The following ARHGAP15 variants were observed in gnomAD, a reference collection of about 807,000 sequenced individuals.
ARHGAP15 encodes the protein Rho GTPase activating protein 15.
A neutral mutation model predicts 63.7 loss-of-function variants in ARHGAP15; 51 were observed. The ratio of observed to expected loss-of-function variants is 0.80; its 90% CI spans 0.64 to 1.01. The LOEUF is 1.01. Among genes scored for constraint, ARHGAP15 ranks in the 50% least tolerant of loss-of-function variants. ARHGAP15 has a pLI of 0.00. For synonymous variants in ARHGAP15, 191 were observed against 193.8 expected (o/e 0.99, Z 0.12); for missense variants, 560 against 564.6 (o/e 0.99, Z 0.08).
At chr2:143,345,969 T>C (rs2105298270) in intron 6 of ARHGAP15, among the ~76,000 whole-genome samples, 1 of 152,188 alleles carries the variant, frequency 6.6e-6, no homozygotes, top group African/African-American at 2.4e-5. Context: ...AGTTTTATTC[T>C]CAAACTGTTG....
intron 13 of ARHGAP15, among the ~76,000 whole-genome samples, chr2:143,725,409 C>A (rs1342855612): frequency 6.6e-6 from 1 of 152,230 alleles, no homozygotes; most frequent in Non-Finnish European, 1.5e-5. Flanking sequence ...CAACACCAAT[C>A]TGGAGAAAAC....
At chr2:143,329,194 C>T (rs564655328) in intron 6 of ARHGAP15, among the ~76,000 whole-genome samples, 13 of 152,144 alleles carry the variant, frequency 8.5e-5, no homozygotes, top group Admixed American at 2.0e-4. Context: ...TTACATTATA[C>T]GGCAAAGATG....
chr2:143,585,656 T>C (rs1438665880), intron 11 of ARHGAP15, among the ~76,000 whole-genome samples: 1 of 152,222 alleles, frequency 6.6e-6, no homozygotes, highest in Non-Finnish European at 1.5e-5. Context: ...TATTAGCTTC[T>C]GAAAGAAGTG....
intron 5 of ARHGAP15, among the ~76,000 whole-genome samples, chr2:143,241,001 C>A (rs1346603906): frequency 6.6e-6 from 1 of 152,080 alleles, no homozygotes; most frequent in African/African-American, 2.4e-5. Flanking sequence ...TCACCTTAGG[C>A]TCTCTCAGAA....
chr2:143,413,793 C>A (rs1277821256), intron 6 of ARHGAP15, among the ~76,000 whole-genome samples: 1 of 152,088 alleles, frequency 6.6e-6, no homozygotes, highest in Non-Finnish European at 1.5e-5. Context: ...CTTTTCAATG[C>A]AGAATGCCTC....
intron 5 of ARHGAP15, among the ~76,000 whole-genome samples, chr2:143,230,530 C>A (rs78199626): frequency 6.6e-6 from 1 of 152,246 alleles, no homozygotes; most frequent in African/African-American, 2.4e-5. Context: ...TTACTTCTGG[C>A]CCCATTTTTA....
intron 8 of ARHGAP15, among the ~76,000 whole-genome samples, chr2:143,443,237 A>G (rs1199709829): frequency 6.6e-6 from 1 of 152,208 alleles, no homozygotes; most frequent in Non-Finnish European, 1.5e-5. Context: ...GAAAATAATA[A>G]GATGAACAAA....
chr2:143,338,976 C>T (rs185519001), intron 6 of ARHGAP15, among the ~76,000 whole-genome samples: 1 of 152,114 alleles, frequency 6.6e-6, no homozygotes, highest in Admixed American at 6.5e-5. Context: ...TAATAGAAAA[C>T]CAAGAAAGAA....
chr2:143,331,948 ACATT>A (rs1684568216), intron 6 of ARHGAP15, among the ~76,000 whole-genome samples: 1 of 152,194 alleles, frequency 6.6e-6, no homozygotes, highest in African/African-American at 2.4e-5. Flanking sequence ...TACAAAGCAT[ACATT>A]TCTAGAGTTC....
At chr2:143,758,412 ACTTTT>A (rs904295074) in intron 13 of ARHGAP15, among the ~76,000 whole-genome samples, 102 of 152,038 alleles carry the variant, frequency 6.7e-4, no homozygotes, top group African/African-American at 2.1e-3. Context: ...TTTACTTTTT[ACTTTT>A]CAATAGTTCT....
intron 12 of ARHGAP15, chr2:143,641,189 G>A (rs932188595): frequency 1.2e-4 from 19 of 152,026 alleles, no homozygotes; most frequent in African/African-American, 3.9e-4. Context: ...TTCCCAATGC[G>A]AAGCAGCACT....
At chr2:143,386,261 G>A (rs190777111) in intron 6 of ARHGAP15, among the ~76,000 whole-genome samples, 3 of 151,666 alleles carry the variant, frequency 2.0e-5, no homozygotes, top group Non-Finnish European at 4.4e-5. Flanking sequence ...TTTTTCCAAG[G>A]AAAAAAATGT....
chr2:143,407,987 GTA>G (rs58194704), intron 6 of ARHGAP15, among the ~76,000 whole-genome samples: 3,856 of 75,858 alleles, frequency 0.051, 207 homozygotes, highest in Non-Finnish European at 0.069. Context: ...TTCTGTGTGT[GTA>G]TATATATATA....
At chr2:143,402,763 A>G (rs1032029143) in intron 6 of ARHGAP15, among the ~76,000 whole-genome samples, 1 of 151,796 alleles carries the variant, frequency 6.6e-6, no homozygotes, top group Non-Finnish European at 1.5e-5. Flanking sequence ...TGAAGGAAAA[A>G]CCCCAGAAAC....
At chr2:143,579,002 G>T (rs920528698) in intron 11 of ARHGAP15, among the ~76,000 whole-genome samples, 1 of 152,054 alleles carries the variant, frequency 6.6e-6, no homozygotes, top group Non-Finnish European at 1.5e-5. Flanking sequence ...TACATTGATA[G>T]TAAATCTCTT....
At chr2:143,340,694 A>G (rs181407765) in intron 6 of ARHGAP15, among the ~76,000 whole-genome samples, 118 of 152,208 alleles carry the variant, frequency 7.8e-4, no homozygotes, top group Admixed American at 2.0e-3. Context: ...GATTCTCATA[A>G]CAAAGGCCAC....
At chr2:143,559,766 T>C (rs1695949691) in intron 11 of ARHGAP15, among the ~76,000 whole-genome samples, 3 of 152,222 alleles carry the variant, frequency 2.0e-5, no homozygotes, top group Non-Finnish European at 2.9e-5. Context: ...TGGCCCTCTC[T>C]CTGTGTGTCT....
At chr2:143,204,356 G>T (rs530484718) in intron 3 of ARHGAP15, among the ~76,000 whole-genome samples, 1 of 152,130 alleles carries the variant, frequency 6.6e-6, no homozygotes, top group African/African-American at 2.4e-5. Context: ...TTTCTCATAG[G>T]TCTAGAGGCT....
Position 143,626,387 on chromosome 2 carries a change from G to A in ARHGAP15, c.1138+2120G>A, listed in dbSNP as rs12105590. Among the ~76,000 whole-genome samples, 10 of 152,102 alleles carry A rather than the reference G, an allele frequency of 6.6e-5. No homozygotes were observed. The South Asian group carries it at 8.3e-4, about 13-fold the overall frequency. Reference sequence around the variant, plus strand: ...AAACTCAGGGTTATTGTGTCAGGACGTGGTTCCTGCCGGTGGGTTCGTGGT... The same window carrying A: ...AAACTCAGGGTTATTGTGTCAGGACATGGTTCCTGCCGGTGGGTTCGTGGT... On this transcript the variant is annotated intron_variant, in intron 12 of 13. Transcript: ENST00000295095.
Sources: gnomAD v4.1 joint callset for allele counts (sites outside exome capture counted in the v4.1 genomes callset) on GRCh38, gnomAD v4.1.1 for gene constraint, MANE v1.5 for transcripts, NCBI Gene and HGNC (gene_info 2026-07-23, HGNC 2026-07-21) for gene names.